MYO5A: variants seen among roughly 807,000 people sequenced by gnomAD.
MYO5A encodes the protein myosin VA.
Under a neutral mutation model 249.7 loss-of-function variants are expected in MYO5A, and 98 were observed. The ratio of observed to expected loss-of-function variants is 0.39; its 90% CI spans 0.33 to 0.46. The LOEUF is 0.46. Ranked by LOEUF, MYO5A falls within the 20% of genes least tolerant of loss-of-function variation. The pLI, the probability that MYO5A is intolerant of heterozygous loss-of-function variation, is 0.98. For synonymous variants in MYO5A, 778 were observed against 810.6 expected, an observed-to-expected ratio of 0.96 and a Z score of 0.68; for missense variants, 1,696 against 2,308.8, an observed-to-expected ratio of 0.73 and a Z score of 5.44.
intron 40 of MYO5A, among the ~76,000 whole-genome samples, chr15:52,316,683 C>A (rs1035269270): frequency 2.0e-5 from 3 of 152,176 alleles, no homozygotes; most frequent in Admixed American, 2.0e-4. Flanking sequence ...ATAATCCACT[C>A]AATTATCAAA....
intron 1 of MYO5A, among the ~76,000 whole-genome samples, chr15:52,458,449 A>G (rs901978579): frequency 6.6e-6 from 1 of 151,976 alleles, no homozygotes; most frequent in Non-Finnish European, 1.5e-5. Context: ...GCATGGTGGC[A>G]TCTTTACAAA....
intron 9 of MYO5A, among the ~76,000 whole-genome samples, chr15:52,402,497 G>A (rs1252561407): frequency 6.6e-6 from 1 of 152,152 alleles, no homozygotes; most frequent in African/African-American, 2.4e-5. Context: ...TTCAGCAAAT[G>A]CCTTCAAGGT....
In MYO5A at chr15:52,418,242, C is replaced by T. The variant is rs184290159; in HGVS notation, c.456-1941G>A. On this transcript the variant is annotated intron_variant, in intron 4 of 41. Transcript: ENST00000399233. Reference sequence around the variant, plus strand: ...GGCCTCCACAATAATCCTAAATAGGCTGGGTACTGGGTGCTTTGGAGTGGA... The same window carrying T: ...GGCCTCCACAATAATCCTAAATAGGTTGGGTACTGGGTGCTTTGGAGTGGA... Among the ~76,000 whole-genome samples the T allele has an allele frequency of 5.3e-5, 8 of 152,252 alleles. No homozygotes were observed. In the East Asian group the frequency reaches 1.2e-3, roughly 22 times the overall value.
In MYO5A at chr15:52,337,817, C is replaced by T. The variant is rs950197504; in HGVS notation, c.4307G>A (p.Arg1436Gln). The change falls in exon 33 of 42, where the codon CGG becomes CAG. Residue 1436 changes from arginine (R) to glutamine (Q), a missense_variant. By Grantham distance (43) the Arg-to-Gln change is conservative. Coordinates refer to ENST00000399233, the MANE Select transcript of MYO5A (RefSeq NM_001382347.1). ...YQSYRISLYK[R>Q]MIDLMEQLEK... ...CACTATGGTTTTACATACAATCATCCGTTTGTAAAGGGAAATCCGATATGA... is the reference window on the plus strand; with the variant it reads ...CACTATGGTTTTACATACAATCATCTGTTTGTAAAGGGAAATCCGATATGA... 3.9e-6 allele frequency: 6 copies of T among 1,536,918 alleles called. No homozygotes were observed. In the Admixed American group the frequency reaches 5.9e-5, roughly 15 times the overall value.
At chr15:52,376,214 T>G in intron 19 of MYO5A, 133 bp downstream of exon 19, 95 of 774,958 alleles carry the variant, frequency 1.2e-4, no homozygotes, top group Middle Eastern at 3.6e-4. Flanking sequence ...AGCTGTCCTA[T>G]GAGTTAATTT....
At chr15:52,438,877 G>T (rs2075725188) in intron 1 of MYO5A, among the ~76,000 whole-genome samples, 1 of 152,234 alleles carries the variant, frequency 6.6e-6, no homozygotes. Flanking sequence ...ACTGCTGTTT[G>T]CCACTGTTAC....
intron 1 of MYO5A, among the ~76,000 whole-genome samples, chr15:52,504,546 T>A (rs2077226069): frequency 6.6e-6 from 1 of 152,178 alleles, no homozygotes; most frequent in South Asian, 2.1e-4. Context: ...TATATTAACT[T>A]TATTCACATT....
chr15:52,343,077 A>G (rs2039454790), intron 31 of MYO5A, 40 bp downstream of exon 31: 2 of 1,543,750 alleles, frequency 1.3e-6, no homozygotes, highest in Admixed American at 1.7e-5. Context: ...AAGAAAAACA[A>G]CAAATTAATA....
At chr15:52,436,070 A>C (rs901718443) in intron 1 of MYO5A, among the ~76,000 whole-genome samples, 1 of 152,104 alleles carries the variant, frequency 6.6e-6, no homozygotes. Context: ...GGTGCCTGCC[A>C]CCACACCTGG....
intron 1 of MYO5A, among the ~76,000 whole-genome samples, chr15:52,504,054 C>CT (rs71425753): frequency 0.016 from 1,913 of 122,872 alleles, 45 homozygotes; most frequent in African/African-American, 0.055. Context: ...GTTTCTCCTT[C>CT]TTTTTTTTTT....
chr15:52,423,562 A>AAAAAAAG (rs1555448853), intron 4 of MYO5A, among the ~76,000 whole-genome samples: 1 of 149,240 alleles, frequency 6.7e-6, no homozygotes. Flanking sequence ...AAAAAAAAAA[A>AAAAAAAG]AAAAGAAAAC....
At chr15:52,418,309 C>G (rs542227057) in intron 4 of MYO5A, among the ~76,000 whole-genome samples, 1 of 152,248 alleles carries the variant, frequency 6.6e-6, no homozygotes, top group South Asian at 2.1e-4. Flanking sequence ...CTAATGTGAA[C>G]TAAAAGCCCT....
chr15:52,439,009 A>G (rs1053680695), intron 1 of MYO5A, among the ~76,000 whole-genome samples: 2 of 152,212 alleles, frequency 1.3e-5, no homozygotes, highest in Non-Finnish European at 2.9e-5. Flanking sequence ...CTGCATGGCT[A>G]AGTGCCCGGG....
intron 1 of MYO5A, among the ~76,000 whole-genome samples, chr15:52,487,782 T>A (rs940764308): frequency 6.6e-6 from 1 of 151,690 alleles, no homozygotes. Context: ...TTTTGCATTA[T>A]CCTTGGCTGA....
At chr15:52,414,096 T>C (rs111361061) in intron 5 of MYO5A, among the ~76,000 whole-genome samples, 139 of 152,278 alleles carry the variant, frequency 9.1e-4, no homozygotes, top group African/African-American at 3.1e-3. Context: ...TCTCCTGTAG[T>C]GAGTTCTCCC....
intron 7 of MYO5A, 36 bp from the exon 8 acceptor site, chr15:52,407,435 G>C: frequency 6.6e-7 from 1 of 1,518,776 alleles, no homozygotes. Context: ...TCTGGTTTAT[G>C]AAAAAGCCTT....
chr15:52,438,610 T>A (rs1032169628), intron 1 of MYO5A, among the ~76,000 whole-genome samples: 1 of 152,162 alleles, frequency 6.6e-6, no homozygotes, highest in Non-Finnish European at 1.5e-5. Context: ...ACCCGAGCCA[T>A]CAGAGAGCTC....
intron 31 of MYO5A, among the ~76,000 whole-genome samples, chr15:52,341,950 T>C (rs919645962): frequency 1.3e-5 from 2 of 152,198 alleles, no homozygotes; most frequent in Admixed American, 1.3e-4. Flanking sequence ...TTCTGAGCTA[T>C]AGCAATGCAG....
chr15:52,408,454 T>A (rs1314700440), intron 6 of MYO5A, among the ~76,000 whole-genome samples: 1 of 152,110 alleles, frequency 6.6e-6, no homozygotes, highest in Non-Finnish European at 1.5e-5. Flanking sequence ...AAATCATTTT[T>A]TTTTTGCAAT....
Sources: allele counts gnomAD v4.1 joint callset (sites outside exome capture counted in the v4.1 genomes callset), GRCh38; gene constraint gnomAD v4.1.1; transcripts MANE v1.5; gene names NCBI Gene and HGNC (gene_info 2026-07-23, HGNC 2026-07-21).